RNF2: variants seen among roughly 807,000 people sequenced by gnomAD.
RNF2 encodes the protein ring finger protein 2, also known as E3 ubiquitin-protein ligase RING2.
In RNF2, 6 loss-of-function variants were observed where a neutral mutation model predicts 37.2. The ratio of observed to expected loss-of-function variants is 0.16; its 90% CI spans 0.09 to 0.32. The LOEUF (loss-of-function observed/expected upper bound fraction) is 0.32, where lower values mean the gene tolerates loss of function less well. Among genes scored for constraint, RNF2 ranks in the 10% least tolerant of loss-of-function variants. RNF2 has a pLI of 1.00. For synonymous variants in RNF2, 133 were observed against 132.7 expected, an observed-to-expected ratio of 1.00 and a Z score of -0.02; for missense variants, 251 against 404.0, an observed-to-expected ratio of 0.62 and a Z score of 3.25.
At chr1:185,080,528 C>A (rs1473291351) in intron 1 of RNF2, among the ~76,000 whole-genome samples, 1 of 152,132 alleles carries the variant, frequency 6.6e-6, no homozygotes, top group Non-Finnish European at 1.5e-5. Context: ...GACTTTGCCC[C>A]TATTTTTGGT....
chr1:185,092,152 C>G lies in RNF2; in HGVS notation c.248+413C>G, dbSNP rs1309298308. 4 of 154,954 alleles carry G rather than the reference C, an allele frequency of 2.6e-5. No homozygotes were observed. The South Asian group carries it at 8.2e-4, about 32-fold the overall frequency. 9.6% of individuals were successfully genotyped at this position (154,954 alleles called of 1,614,324 possible). On this transcript the variant is annotated intron_variant, in intron 3 of 6. Transcript: ENST00000367510. ...CCGAGAAATACATTTCCTTTCCTTTCTCCTTTTTCTTCTTTCCCCTTTCCC... is the reference window on the plus strand; with the variant it reads ...CCGAGAAATACATTTCCTTTCCTTTGTCCTTTTTCTTCTTTCCCCTTTCCC...
intron 4 of RNF2, among the ~76,000 whole-genome samples, chr1:185,093,877 C>CA (rs959147626): frequency 1.0e-3 from 152 of 152,230 alleles, no homozygotes; most frequent in African/African-American, 3.5e-3. Flanking sequence ...CTTTTCAATA[C>CA]AAAATCTGTC....
chr1:185,078,313 C>T (rs1379325377), intron 1 of RNF2, among the ~76,000 whole-genome samples: 1 of 152,090 alleles, frequency 6.6e-6, no homozygotes, highest in Non-Finnish European at 1.5e-5. Context: ...GTCTTTTGCC[C>T]CCAAATTAGT....
At chr1:185,079,755 C>G (rs988709058) in intron 1 of RNF2, among the ~76,000 whole-genome samples, 1 of 152,056 alleles carries the variant, frequency 6.6e-6, no homozygotes, top group Non-Finnish European at 1.5e-5. Flanking sequence ...CATGGCAAAC[C>G]CCGTCTCTAC....
chr1:185,077,777 T>C (rs1304305521), intron 1 of RNF2, among the ~76,000 whole-genome samples: 1 of 152,014 alleles, frequency 6.6e-6, no homozygotes, highest in Non-Finnish European at 1.5e-5. Flanking sequence ...TTTCCCCTTT[T>C]ACTTTGTTTA....
intron 1 of RNF2, among the ~76,000 whole-genome samples, chr1:185,076,268 G>GTTTTTTTTTTTTTGTTTTTTTTTTT (rs1651152904): frequency 3.7e-5 from 1 of 27,334 alleles, no homozygotes; most frequent in African/African-American, 1.3e-4. Context: ...TTTATGGGTT[G>GTTTTTTTTTTTTTGTTTTTTTTTTT]TTTTTTTTTT....
At chr1:185,085,319 T>C (rs1651555567) in intron 1 of RNF2, among the ~76,000 whole-genome samples, 1 of 151,736 alleles carries the variant, frequency 6.6e-6, no homozygotes, top group Non-Finnish European at 1.5e-5. Context: ...CAGCTAATTT[T>C]TTGTATTTTT....
intron 1 of RNF2, among the ~76,000 whole-genome samples, chr1:185,069,526 G>A (rs982591353): frequency 3.3e-5 from 5 of 151,724 alleles, no homozygotes; most frequent in Non-Finnish European, 5.9e-5. Context: ...GCTGAGCTAT[G>A]AGTTCACAGT....
At chr1:185,084,675 A>T (rs1254537927) in intron 1 of RNF2, among the ~76,000 whole-genome samples, 3 of 152,154 alleles carry the variant, frequency 2.0e-5, no homozygotes, top group African/African-American at 7.2e-5. Context: ...CACATTCTTC[A>T]TAATAGCTGA....
rs1434140344 is a variant in RNF2 at position 185,101,776 on chromosome 1, T to A, written c.*1475T>A. On this transcript the variant is annotated 3_prime_UTR_variant, in exon 7 of 7. Transcript: ENST00000367510. The stretch of plus-strand genomic sequence containing the variant: ...TCAGCCCGGTATGAAAACTTAAAGG[T>A]ATATATTCAATTTTTTACCATTTTA... The A allele has an allele frequency of 6.6e-6, 1 of 152,050 alleles. No homozygotes were observed. Among genetic ancestry groups the A allele is most frequent in the Non-Finnish European group, 1.5e-5 (1 of 67,924 alleles). The allele number at this position is 152,050 out of a possible 1,614,324, so 9.4% of individuals were successfully genotyped here.
rs576697610 is a variant in RNF2 at position 185,097,376 on chromosome 1, G to A, written c.465-696G>A. Among the ~76,000 whole-genome samples the A allele has an allele frequency of 7.9e-5, 12 of 152,168 alleles. No individual in the cohort carries two copies. The South Asian group carries it at 2.5e-3, about 32-fold the overall frequency. ...GTACTTACTATTCTTCTTAACTTTT[G>A]TTTCCTTAAGAATTTCTTTAAAGAG... On this transcript the variant is annotated intron_variant, in intron 4 of 6. Coordinates refer to ENST00000367510, the MANE Select transcript of RNF2 (RefSeq NM_007212.4).
At chr1:185,089,397 C>T (rs1557972835) in intron 2 of RNF2, among the ~76,000 whole-genome samples, 1 of 152,156 alleles carries the variant, frequency 6.6e-6, no homozygotes, top group Admixed American at 6.6e-5. Flanking sequence ...GGGACTTGAG[C>T]ATCCAAGGAT....
chr1:185,048,730 T>G (rs2102147640), intron 1 of RNF2, among the ~76,000 whole-genome samples: 1 of 152,208 alleles, frequency 6.6e-6, no homozygotes, highest in Middle Eastern at 3.4e-3. Flanking sequence ...GAGGTTAGAT[T>G]CTAAAGTCGA....
intron 2 of RNF2, among the ~76,000 whole-genome samples, 177 bp from the exon 3 acceptor site, chr1:185,091,402 G>A (rs1012665269): frequency 1.3e-5 from 2 of 152,196 alleles, no homozygotes; most frequent in Admixed American, 1.3e-4. Flanking sequence ...TGGTGAGGCT[G>A]AGGGGAGCTG....
chr1:185,081,395 ATT>A (rs11334881), intron 1 of RNF2, among the ~76,000 whole-genome samples: 101 of 145,216 alleles, frequency 7.0e-4, no homozygotes, highest in South Asian at 1.3e-3. Flanking sequence ...AATTCCATCA[ATT>A]TTTTTTTTTT....
chr1:185,051,675 A>G (rs574625211), intron 1 of RNF2, among the ~76,000 whole-genome samples: 6 of 150,570 alleles, frequency 4.0e-5, no homozygotes, highest in African/African-American at 7.3e-5. Context: ...TGGATGTCCT[A>G]TAACCCTACT....
chr1:185,074,979 T>G (rs1651101824), intron 1 of RNF2, among the ~76,000 whole-genome samples: 1 of 151,976 alleles, frequency 6.6e-6, no homozygotes, highest in Non-Finnish European at 1.5e-5. Context: ...CTATATATAG[T>G]TCCGTGTGTG....
chr1:185,081,505 T>G (rs780230825), intron 1 of RNF2, among the ~76,000 whole-genome samples: 1 of 147,034 alleles, frequency 6.8e-6, no homozygotes, highest in Non-Finnish European at 1.5e-5. Flanking sequence ...GTGATTATCC[T>G]GCCTCAGCCT....
chr1:185,095,837 T>C (rs1194371455), intron 4 of RNF2, among the ~76,000 whole-genome samples: 1 of 152,244 alleles, frequency 6.6e-6, no homozygotes, highest in Non-Finnish European at 1.5e-5. Context: ...TGTTCGTATA[T>C]GTCCCTCTAA....
Sources: allele counts gnomAD v4.1 joint callset (sites outside exome capture counted in the v4.1 genomes callset), GRCh38; gene constraint gnomAD v4.1.1; transcripts MANE v1.5; gene names NCBI Gene and HGNC (gene_info 2026-07-23, HGNC 2026-07-21).